Variants in PCSK1 observed in about 807,000 individuals in gnomAD.
PCSK1 encodes proprotein convertase subtilisin/kexin type 1.
Under a neutral mutation model 90.6 loss-of-function variants are expected in PCSK1, and 56 were observed. The observed-to-expected ratio is 0.62, with a 90% confidence interval of 0.50 to 0.77. The LOEUF is 0.77. Among genes scored for constraint, PCSK1 ranks in the 30% least tolerant of loss-of-function variants. The probability of loss-of-function intolerance (pLI) is 0.00; values close to 1 mark genes in which losing one functional copy is unlikely to be tolerated. For synonymous variants in PCSK1, 348 were observed against 342.4 expected (o/e 1.02, Z -0.18); for missense variants, 801 against 932.6 (o/e 0.86, Z 1.84).
At chr5:96,423,241 G>T in intron 4 of PCSK1, 72 bp downstream of exon 4, 2 of 1,465,124 alleles carry the variant, frequency 1.4e-6, no homozygotes, top group South Asian at 2.4e-5. Context: ...CCCTTGAAAA[G>T]AAGGAAAGCC....
intron 8 of PCSK1, among the ~76,000 whole-genome samples, chr5:96,409,836 A>T (rs1760694778): frequency 6.6e-6 from 1 of 152,238 alleles, no homozygotes; most frequent in Non-Finnish European, 1.5e-5. Flanking sequence ...CACACTTCTA[A>T]GTTGAGACCA....
At chr5:96,432,666 C>A (rs961524911) in intron 1 of PCSK1, among the ~76,000 whole-genome samples, 197 bp downstream of exon 1, 1 of 152,166 alleles carries the variant, frequency 6.6e-6, no homozygotes, top group Non-Finnish European at 1.5e-5. Flanking sequence ...TGCTTGGCTG[C>A]GCCCAGCCTA....
intron 11 of PCSK1, 114 bp downstream of exon 11, chr5:96,398,765 C>A (rs1332269489): frequency 3.3e-6 from 3 of 901,268 alleles, no homozygotes; most frequent in Non-Finnish European, 5.5e-6. Context: ...TTTTTTAAGA[C>A]CTGAAAATAT....
At chr5:96,394,713 C>G (rs1004455126) in intron 13 of PCSK1, 151 bp downstream of exon 13, 12 of 709,330 alleles carry the variant, frequency 1.7e-5, no homozygotes, top group Non-Finnish European at 2.5e-5. Flanking sequence ...ACAGTTTTAT[C>G]CTATGGAAAA....
At chr5:96,430,029 TA>T (rs1561379025) in intron 1 of PCSK1, among the ~76,000 whole-genome samples, 1 of 152,242 alleles carries the variant, frequency 6.6e-6, no homozygotes, top group Non-Finnish European at 1.5e-5. Context: ...CACTTTCCAC[TA>T]AAATAAATTA....
intron 13 of PCSK1, among the ~76,000 whole-genome samples, chr5:96,393,783 C>T (rs930068555): frequency 2.6e-5 from 4 of 152,170 alleles, no homozygotes; most frequent in African/African-American, 7.2e-5. Flanking sequence ...CCACTGGTTG[C>T]GGTAGCATGG....
chr5:96,429,439 A>T, intron 1 of PCSK1, 122 bp from the exon 2 acceptor site: 2 of 642,190 alleles, frequency 3.1e-6, no homozygotes, highest in South Asian at 3.6e-5. Flanking sequence ...GGTATCTGAA[A>T]TTAATATTTT....
In PCSK1 at chr5:96,432,914, C is replaced by T. The variant is rs141507819; in HGVS notation, c.129G>A (p.Pro43=). 2.5e-6 allele frequency: 4 copies of T among 1,614,126 alleles called. No individual in the cohort carries two copies. ...CCTCGGCGATGGCCGAGGCTGCTTC[C>T]GGGCCCCCGGGGATCTCCGCTGCCC... ...NEWAAEIPGG[P]EAASAIAEEL... Residue 43 remains proline, a synonymous_variant, in exon 1 of 14, where the codon CCG becomes CCA. Transcript: ENST00000311106.
chr5:96,394,992 T>A lies in PCSK1; in HGVS notation c.1756A>T (p.Asn586Tyr). 6.2e-7 allele frequency: 1 copy of A among 1,614,018 alleles called. No individual in the cohort carries two copies. Among genetic ancestry groups the A allele is most frequent in the African/African-American group, 1.3e-5 (1 of 75,062 alleles). Residue 586 changes from asparagine (N) to tyrosine (Y), a missense_variant, in exon 13 of 14, where the codon AAC (asparagine) becomes TAC (tyrosine). Coordinates refer to ENST00000311106, the MANE Select transcript of PCSK1 (RefSeq NM_000439.5). ...GRIQNEGRIV[N>Y]WKLILHGTSS... ...GTCCCGTGCAAAATCAGCTTCCAGT[T>A]CACAATTCTTCCTTCATTTTGAATT... is the stretch of plus-strand genomic sequence containing the variant.
Position 96,400,100 on chromosome 5 carries a change from T to C in PCSK1, c.1283A>G (p.Lys428Arg). ...DPLANNPGWK[K>R]NGAGLMVNSR... ...ATTCACCATCAAGCCTGCTCCATTCTTTTTCCATCCAGGGTTATTGGCCAG... is the reference window on the plus strand; with the variant it reads ...ATTCACCATCAAGCCTGCTCCATTCCTTTTCCATCCAGGGTTATTGGCCAG... The change falls in exon 10 of 14, where the codon AAG (lysine) becomes AGG (arginine). Residue 428 changes from lysine to arginine, a missense_variant. Physicochemically the swap from Lys to Arg is conservative, Grantham distance 26. Transcript: ENST00000311106. The C allele has an allele frequency of 1.2e-6, 2 of 1,613,958 alleles. No individual in the cohort carries two copies. The highest frequency in any genetic ancestry group is 1.7e-6 in the Non-Finnish European group (2 of 1,179,810).
chr5:96,430,203 A>G (rs1198148535), intron 1 of PCSK1, among the ~76,000 whole-genome samples: 1 of 152,270 alleles, frequency 6.6e-6, no homozygotes, highest in East Asian at 1.9e-4. Context: ...CCGGGTATCT[A>G]TTGACATCTT....
At chr5:96,409,127 G>A (rs922700894) in intron 8 of PCSK1, among the ~76,000 whole-genome samples, 2 of 152,186 alleles carry the variant, frequency 1.3e-5, no homozygotes, top group East Asian at 1.9e-4. Context: ...TTAGGGTAAT[G>A]AAGAGATTGC....
At chr5:96,417,283 TC>T (rs1406204307) in intron 5 of PCSK1, among the ~76,000 whole-genome samples, 1 of 152,180 alleles carries the variant, frequency 6.6e-6, no homozygotes, top group East Asian at 1.9e-4. Flanking sequence ...TCCTGCTCCT[TC>T]ATGTTAATCC....
Position 96,433,205 on chromosome 5 carries a change from C to T in PCSK1, c.-163G>A. 5 of 688,952 alleles carry T rather than the reference C, an allele frequency of 7.3e-6. No homozygotes were observed. The highest frequency in any genetic ancestry group is 1.6e-5 in the South Asian group (1 of 62,144). The allele number at this position is 688,952 out of a possible 1,614,324, so 42.7% of individuals were successfully genotyped here. A position where few individuals can be genotyped will look rare whatever the true frequency, so the allele number is the denominator to read the frequency against. ...AGGAGGCGCGAGAGGAGAGGCTGGGCGGCGGCGAGCGCTCAGTGAAGCGCT... is the reference window on the plus strand; with the variant it reads ...AGGAGGCGCGAGAGGAGAGGCTGGGTGGCGGCGAGCGCTCAGTGAAGCGCT... On this transcript the variant is annotated 5_prime_UTR_variant, in exon 1 of 14. Transcript: ENST00000311106.
chr5:96,424,350 T>G (rs951062406), intron 3 of PCSK1, among the ~76,000 whole-genome samples: 4 of 152,168 alleles, frequency 2.6e-5, no homozygotes, highest in Non-Finnish European at 5.9e-5. Flanking sequence ...CACAGATTGT[T>G]GGCCAAAGTC....
intron 9 of PCSK1, among the ~76,000 whole-genome samples, chr5:96,402,489 G>T (rs563056727): frequency 6.8e-4 from 103 of 152,206 alleles, no homozygotes; most frequent in African/African-American, 2.4e-3. Context: ...CTCAGACTCA[G>T]TGCCTGGTGC....
chr5:96,393,072 T>A lies in PCSK1; in HGVS notation c.2191A>T (p.Thr731Ser), dbSNP rs2112386212. Reference sequence around the variant, plus strand: ...TCGTCTCTGTGCTTGTAAGGTTTAGTGTTATAAAAAACATCAACATAGTCA... The same window carrying A: ...TCGTCTCTGTGCTTGTAAGGTTTAGAGTTATAAAAAACATCAACATAGTCA... ...YNDYVDVFYN[T>S]KPYKHRDDRL... The change falls in exon 14 of 14, where the codon ACT (threonine) becomes TCT (serine). Residue 731 changes from threonine (T) to serine (S), a missense_variant. Physicochemically the swap from Thr to Ser is moderately conservative, Grantham distance 58 (BLOSUM62 1). Coordinates refer to ENST00000311106, the MANE Select transcript of PCSK1 (RefSeq NM_000439.5). The A allele has an allele frequency of 6.2e-7, 1 of 1,614,070 alleles. No homozygotes were observed.
chr5:96,432,705 C>A (rs1397080457), intron 1 of PCSK1, among the ~76,000 whole-genome samples, 158 bp downstream of exon 1: 1 of 152,174 alleles, frequency 6.6e-6, no homozygotes, highest in Admixed American at 6.5e-5. Flanking sequence ...CTTTCTCTCT[C>A]TCCAAGCGCG....
chr5:96,400,980 G>A (rs551547123), intron 9 of PCSK1, among the ~76,000 whole-genome samples: 5 of 150,750 alleles, frequency 3.3e-5, no homozygotes, highest in Admixed American at 2.6e-4. Flanking sequence ...CCAGCTACTC[G>A]GGAGGCTGAG....
Sources: allele counts gnomAD v4.1 joint callset (sites outside exome capture counted in the v4.1 genomes callset), GRCh38; gene constraint gnomAD v4.1.1; transcripts MANE v1.5; gene names NCBI Gene and HGNC (gene_info 2026-07-23, HGNC 2026-07-21).